FLNB: variants seen among roughly 807,000 people sequenced by gnomAD.
FLNB encodes filamin B.
A neutral mutation model predicts 250.6 loss-of-function variants in FLNB; 111 were observed. The ratio of observed to expected loss-of-function variants is 0.44; its 90% CI spans 0.38 to 0.52. The LOEUF is 0.52. Ranked by LOEUF, FLNB falls within the 20% of genes least tolerant of loss-of-function variation. The pLI, the probability that FLNB is intolerant of heterozygous loss-of-function variation, is 0.00. For missense variants in FLNB, 2,869 were observed against 3,447.8 expected (o/e 0.83, Z 4.20); for synonymous variants, 1,302 against 1,372.1 (o/e 0.95, Z 1.13).
chr3:58,130,654 C>A, intron 24 of FLNB, 87 bp from the exon 25 acceptor site: 1 of 1,423,712 alleles, frequency 7.0e-7, no homozygotes, highest in Admixed American at 1.9e-5. Context: ...GCCGAGGTCC[C>A]GGGGGAGCAG....
chr3:58,014,461 G>A (rs2097103082), intron 1 of FLNB, among the ~76,000 whole-genome samples: 1 of 152,220 alleles, frequency 6.6e-6, no homozygotes, highest in South Asian at 2.1e-4. Flanking sequence ...GGCCTCTGTG[G>A]AGTTCTCCCA....
chr3:58,052,479 C>G (rs976866422), intron 1 of FLNB, among the ~76,000 whole-genome samples: 3 of 152,116 alleles, frequency 2.0e-5, no homozygotes, highest in African/African-American at 7.2e-5. Context: ...CATGTGGCAC[C>G]CAGCCCGGTG....
At chr3:58,138,616 C>T in intron 29 of FLNB, 87 bp downstream of exon 29, 4 of 1,551,454 alleles carry the variant, frequency 2.6e-6, no homozygotes, top group East Asian at 2.2e-5. Flanking sequence ...AGGATATCCT[C>T]TTCACCTTTT....
chr3:58,056,189 C>T (rs1044317701), intron 1 of FLNB, among the ~76,000 whole-genome samples: 2 of 151,238 alleles, frequency 1.3e-5, no homozygotes, highest in South Asian at 2.1e-4. Flanking sequence ...ACTACCTCCT[C>T]CTCCTGGGTT....
At chr3:58,020,706 A>C (rs1384155187) in intron 1 of FLNB, among the ~76,000 whole-genome samples, 1 of 138,724 alleles carries the variant, frequency 7.2e-6, no homozygotes, top group Admixed American at 7.5e-5. Flanking sequence ...AGTTTTCTGG[A>C]ATTTCCTTTC....
At chr3:58,156,659 G>A (rs1328513644) in intron 41 of FLNB, among the ~76,000 whole-genome samples, 2 of 152,174 alleles carry the variant, frequency 1.3e-5, no homozygotes, top group African/African-American at 4.8e-5. Flanking sequence ...GTATGAGGCA[G>A]AACAGGCACA....
intron 10 of FLNB, 51 bp from the exon 11 acceptor site, chr3:58,105,029 G>A: frequency 6.2e-7 from 1 of 1,612,492 alleles, no homozygotes; most frequent in Non-Finnish European, 8.5e-7. Flanking sequence ...TGGCTATAGT[G>A]ACACCTTACT....
chr3:58,139,968 T>G (rs1242463079), intron 29 of FLNB, among the ~76,000 whole-genome samples: 6 of 152,170 alleles, frequency 3.9e-5, no homozygotes, highest in Non-Finnish European at 8.8e-5. Flanking sequence ...AATAAGTGTC[T>G]TCTAGCCCCT....
rs774977515 is a variant in FLNB at position 58,108,508 on chromosome 3, C to G, written c.1992C>G (p.Asn664Lys). 5 of 1,614,166 alleles carry G rather than the reference C, an allele frequency of 3.1e-6. No homozygotes were observed. ...GLEKSGCIVN[N>K]LAEFTVDPKD... ...AGAAATCTGGATGCATTGTCAACAA[C>G]CTGGCCGAGTTCACTGTGGATCCTA... Residue 664 changes from asparagine to lysine, a missense_variant, in exon 13 of 46, where the codon AAC becomes AAG. Physicochemically the swap from Asn to Lys is moderately conservative, Grantham distance 94. Transcript: ENST00000295956.
At chr3:58,168,799 T>C (rs2097375533) in intron 44 of FLNB, 141 bp downstream of exon 44, 1 of 714,518 alleles carries the variant, frequency 1.4e-6, no homozygotes, top group Non-Finnish European at 2.5e-6. Flanking sequence ...GTATGAGATG[T>C]CAGAGGGCAG....
rs760976111 is a variant in FLNB at position 58,008,644 on chromosome 3, A to G, written c.80A>G (p.Asn27Ser). Residue 27 changes from asparagine to serine, a missense_variant, in exon 1 of 46, where the codon AAC becomes AGC. Physicochemically the swap from Asn to Ser is conservative, Grantham distance 46 (BLOSUM62 1). Around this residue, in one of 5 missense-constraint regions of FLNB, gnomAD observed 308 missense variants for 466.1 expected, o/e 0.66. Transcript: ENST00000295956. ...IQQNTFTRWC[N>S]EHLKCVNKRI... ...CAGAACACGTTCACACGCTGGTGCA[A>G]CGAGCACCTCAAGTGCGTGAACAAA... 1 of 1,614,066 alleles carries G rather than the reference A, an allele frequency of 6.2e-7. No individual in the cohort carries two copies. Among genetic ancestry groups the G allele is most frequent in the Non-Finnish European group, 8.5e-7 (1 of 1,179,972 alleles).
In FLNB at chr3:58,138,278, C is replaced by T; in HGVS notation, c.4862-4C>T. ...CCATTCTCTTCCCCTGAACTCTTCT[C>T]CAGGTCCTGGAATCGCCTCCACTGT... On this transcript the variant is annotated splice_region_variant and splice_polypyrimidine_tract_variant and intron_variant, in intron 28 of 45. Coordinates refer to ENST00000295956, the MANE Select transcript of FLNB (RefSeq NM_001457.4). 2 of 1,613,654 alleles carry T rather than the reference C, an allele frequency of 1.2e-6. No homozygotes were observed. The highest frequency in any genetic ancestry group is 1.7e-6 in the Non-Finnish European group (2 of 1,180,002).
At chr3:58,105,982 T>C (rs376502981) in intron 11 of FLNB, among the ~76,000 whole-genome samples, 2 of 152,382 alleles carry the variant, frequency 1.3e-5, no homozygotes, top group South Asian at 2.1e-4. Flanking sequence ...TGTATCCTTC[T>C]AGACTTTTTT....
intron 4 of FLNB, among the ~76,000 whole-genome samples, chr3:58,085,937 G>T (rs781098416): frequency 4.6e-5 from 7 of 152,138 alleles, no homozygotes; most frequent in Non-Finnish European, 1.0e-4. Context: ...TAGGCTGCTG[G>T]AGTCACACGA....
intron 33 of FLNB, 82 bp from the exon 34 acceptor site, chr3:58,146,738 C>G: frequency 1.4e-6 from 2 of 1,459,326 alleles, no homozygotes; most frequent in Non-Finnish European, 1.9e-6. Context: ...TCAGGGCTGC[C>G]CTGGATGAGT....
At chr3:58,108,332 T>G (rs1400539958) in intron 12 of FLNB, 126 bp from the exon 13 acceptor site, 7 of 715,476 alleles carry the variant, frequency 9.8e-6, no homozygotes, top group African/African-American at 1.7e-5. Context: ...CAACCTCTTA[T>G]GTGGATACTG....
intron 42 of FLNB, among the ~76,000 whole-genome samples, chr3:58,160,848 A>G (rs1575473948): frequency 6.6e-6 from 1 of 152,214 alleles, no homozygotes; most frequent in Admixed American, 6.5e-5. Context: ...TTAGCCAGGC[A>G]TGGTGGCACA....
chr3:58,112,550 C>G (rs1033869466), intron 18 of FLNB, among the ~76,000 whole-genome samples: 1 of 152,230 alleles, frequency 6.6e-6, no homozygotes, highest in Admixed American at 6.5e-5. Context: ...AAGCTGGTCC[C>G]ATATCTCCAC....
intron 1 of FLNB, among the ~76,000 whole-genome samples, chr3:58,022,815 T>G (rs1024260192): frequency 2.6e-5 from 4 of 152,034 alleles, no homozygotes; most frequent in Admixed American, 6.6e-5. Flanking sequence ...GTCTTTGAAA[T>G]TTGCTTCTTT....
Sources: gnomAD v4.1 joint callset for allele counts (sites outside exome capture counted in the v4.1 genomes callset) on GRCh38, gnomAD v4.1.1 for gene constraint, gnomAD v4.1.1 regional missense constraint, MANE v1.5 for transcripts, NCBI Gene and HGNC (gene_info 2026-07-23, HGNC 2026-07-21) for gene names.